The following PLA2G4E variants were observed in gnomAD, a reference collection of about 807,000 sequenced individuals.
PLA2G4E encodes cytosolic phospholipase A2 epsilon.
In PLA2G4E, 84 loss-of-function variants were observed where a neutral mutation model predicts 109.1. That is an observed-to-expected ratio of 0.77 (90% CI 0.65 to 0.92). The LOEUF is 0.92. PLA2G4E is among the 40% of genes least tolerant of loss of function. The pLI, the probability that PLA2G4E is intolerant of heterozygous loss-of-function variation, is 0.00. For synonymous variants in PLA2G4E, 469 were observed against 436.1 expected (o/e 1.08, Z -0.94); for missense variants, 1,057 against 1,076.6 (o/e 0.98, Z 0.25).
In PLA2G4E at chr15:41,987,303, C is replaced by CA. The variant is rs1357455659; in HGVS notation, c.1903_1904insT (p.Gly635ValfsTer20). The CA allele has an allele frequency of 1.2e-6, 2 of 1,613,990 alleles. No individual in the cohort carries two copies. The highest frequency in any genetic ancestry group is 1.7e-6 in the Non-Finnish European group (2 of 1,179,878). ...TCGGAAAGAATTGGACAGCCATGACCCTGGGATCACTACCGTGGTCTCCAG... is the reference window on the plus strand; with the variant it reads ...TCGGAAAGAATTGGACAGCCATGACCACTGGGATCACTACCGTGGTCTCCAG... On this transcript the variant is annotated frameshift_variant, in exon 17 of 20. Coordinates refer to ENST00000399518, the Ensembl canonical transcript of PLA2G4E. LOFTEE classifies it high-confidence loss of function.
exon 20 of PLA2G4E, chr15:41,983,357 T>G: frequency 5.0e-6 from 1 of 201,698 alleles, no homozygotes; most frequent in Non-Finnish European, 1.0e-5. Flanking sequence ...TTCTGTGCAT[T>G]TCCCTAGGCC....
intron 4 of PLA2G4E, among the ~76,000 whole-genome samples, chr15:42,005,689 C>T (rs2068468505): frequency 1.3e-5 from 2 of 152,218 alleles, no homozygotes; most frequent in South Asian, 2.1e-4. Context: ...ACTACCTCTC[C>T]ATTGTGTTCT....
chr15:41,990,166 G>T, exon 14 of PLA2G4E: 1 of 1,613,698 alleles, frequency 6.2e-7, no homozygotes, highest in Non-Finnish European at 8.5e-7. Context: ...TTGATGGTGA[G>T]GTAGATGGGC....
At chr15:42,014,219 G>A (rs2068566826) in intron 1 of PLA2G4E, among the ~76,000 whole-genome samples, 1 of 152,082 alleles carries the variant, frequency 6.6e-6, no homozygotes, top group African/African-American at 2.4e-5. Flanking sequence ...ATTGTTTGCT[G>A]GGGTTTCTGT....
Position 42,024,394 on chromosome 15 carries a change from A to AT in PLA2G4E, c.184-10638dup, listed in dbSNP as rs540798352. Among the ~76,000 whole-genome samples, 724 of 152,276 alleles carry AT rather than the reference A, an allele frequency of 4.8e-3. 4 individuals carry two copies. Among genetic ancestry groups the AT allele is most frequent in the Non-Finnish European group, 7.5e-3 (513 of 68,016 alleles). ...GACCAGGGAGCCCCAGGATCCTCAGATCCCCTGGGCTACTTGGGCCCAGCC... is the reference window on the plus strand; with the variant it reads ...GACCAGGGAGCCCCAGGATCCTCAGATTCCCCTGGGCTACTTGGGCCCAGCC... On this transcript the variant is annotated intron_variant, in intron 1 of 19. Transcript: ENST00000399518.
chr15:42,001,116 C>A, intron 7 of PLA2G4E, 41 bp downstream of exon 7: 1 of 1,565,014 alleles, frequency 6.4e-7, no homozygotes, highest in Non-Finnish European at 8.8e-7. Flanking sequence ...GAAGCAGCTC[C>A]CCCTTGTCCC....
intron 1 of PLA2G4E, among the ~76,000 whole-genome samples, chr15:42,050,046 A>G (rs1889481204): frequency 6.6e-6 from 1 of 152,168 alleles, no homozygotes. Context: ...AATTACACTT[A>G]CGACCCTGCC....
chr15:42,023,998 G>T (rs1164609175), intron 1 of PLA2G4E, among the ~76,000 whole-genome samples: 2 of 152,184 alleles, frequency 1.3e-5, no homozygotes, highest in Non-Finnish European at 2.9e-5. Flanking sequence ...CCGACTGCCT[G>T]CTGGGTGCCC....
intron 2 of PLA2G4E, 26 bp downstream of exon 2, chr15:42,013,659 A>G: frequency 1.9e-6 from 3 of 1,542,642 alleles, no homozygotes; most frequent in Non-Finnish European, 2.6e-6. Context: ...TAAGCAGAGA[A>G]GGAGAGAAGT....
intron 11 of PLA2G4E, among the ~76,000 whole-genome samples, chr15:41,996,850 T>C (rs924325575): frequency 3.9e-5 from 6 of 152,234 alleles, no homozygotes; most frequent in African/African-American, 7.2e-5. Flanking sequence ...ATTTTATCCC[T>C]GAGTAAGGCC....
chr15:41,988,757 A>G (rs1487725694), intron 15 of PLA2G4E, among the ~76,000 whole-genome samples: 2 of 152,196 alleles, frequency 1.3e-5, no homozygotes, highest in Admixed American at 6.5e-5. Flanking sequence ...GCTCATCAGC[A>G]TAGGTGTTCA....
chr15:42,026,145 T>C (rs375496996), intron 1 of PLA2G4E, among the ~76,000 whole-genome samples: 1 of 151,150 alleles, frequency 6.6e-6, no homozygotes, highest in African/African-American at 2.4e-5. Flanking sequence ...AAAATCACTT[T>C]AAAAAAAAAG....
In PLA2G4E at chr15:42,001,098, G is replaced by A; in HGVS notation, c.673+59C>T. On this transcript the variant is annotated intron_variant, in intron 7 of 19. Coordinates refer to ENST00000399518, the Ensembl canonical transcript of PLA2G4E. ...GGACTAGGTGGAGTCTGATGCTGAT[G>A]GGATTTGGAAGCAGCTCCCCCTTGT... 5 of 1,517,806 alleles carry A rather than the reference G, an allele frequency of 3.3e-6. No homozygotes were observed. The South Asian group carries it at 5.6e-5, about 17-fold the overall frequency. The allele number at this position is 1,517,806 out of a possible 1,614,324, so 94.0% of individuals were successfully genotyped here. A position where few individuals can be genotyped will look rare whatever the true frequency, so the allele number is the denominator to read the frequency against.
chr15:41,989,160 G>C (rs1170423355), intron 15 of PLA2G4E, among the ~76,000 whole-genome samples: 1 of 152,184 alleles, frequency 6.6e-6, no homozygotes, highest in African/African-American at 2.4e-5. Context: ...AGACGGGAGT[G>C]GGTGGGAGTT....
chr15:42,008,456 T>C (rs1006393443), intron 2 of PLA2G4E, among the ~76,000 whole-genome samples: 38 of 152,218 alleles, frequency 2.5e-4, no homozygotes, highest in Admixed American at 2.0e-4. Context: ...CAGGCTCTTC[T>C]TACCTATCCT....
intron 1 of PLA2G4E, among the ~76,000 whole-genome samples, chr15:42,036,550 T>A (rs921939412): frequency 2.0e-5 from 3 of 152,028 alleles, no homozygotes; most frequent in African/African-American, 7.2e-5. Context: ...CGTCCCCAGG[T>A]CCACCCTGCA....
chr15:42,010,759 A>G (rs1357828708), intron 2 of PLA2G4E, among the ~76,000 whole-genome samples: 1 of 152,214 alleles, frequency 6.6e-6, no homozygotes, highest in Non-Finnish European at 1.5e-5. Flanking sequence ...CTCAAGAGAA[A>G]CAAAAACTCC....
intron 13 of PLA2G4E, 92 bp downstream of exon 13, chr15:41,992,645 G>A (rs865992403): frequency 2.4e-6 from 3 of 1,241,964 alleles, no homozygotes; most frequent in South Asian, 2.8e-5. Flanking sequence ...CTAATCCCCT[G>A]TGTGCAATGG....
intron 9 of PLA2G4E, 68 bp from the exon 10 acceptor site, chr15:41,999,629 C>A (rs904010889): frequency 2.5e-6 from 4 of 1,576,150 alleles, no homozygotes; most frequent in South Asian, 2.3e-5. Flanking sequence ...CAGATCCACA[C>A]TGTCCACCCA....
Sources: gnomAD v4.1 joint callset for allele counts (sites outside exome capture counted in the v4.1 genomes callset) on GRCh38, gnomAD v4.1.1 for gene constraint, MANE v1.5 for transcripts, NCBI Gene and HGNC (gene_info 2026-07-23, HGNC 2026-07-21) for gene names.